NCOA3: variants seen among roughly 807,000 people sequenced by gnomAD.
NCOA3 encodes CBP-interacting protein.
In NCOA3, 51 loss-of-function variants were observed where a neutral mutation model predicts 158.8. The ratio of observed to expected loss-of-function variants is 0.32; its 90% CI spans 0.26 to 0.41. NCOA3 has a LOEUF of 0.41. NCOA3 is among the 10% of genes least tolerant of loss of function. The pLI, the probability that NCOA3 is intolerant of heterozygous loss-of-function variation, is 1.00. For missense variants in NCOA3, 1,510 were observed against 1,746.6 expected (o/e 0.86, Z 2.41); for synonymous variants, 537 against 592.4 (o/e 0.91, Z 1.36).
At chr20:47,534,110 G>C (rs376424555) in intron 1 of NCOA3, among the ~76,000 whole-genome samples, 15 of 151,556 alleles carry the variant, frequency 9.9e-5, no homozygotes, top group South Asian at 4.2e-4. Context: ...GTTTCAGTGG[G>C]GGGGGCGGGG....
rs199583929 is a variant in NCOA3 at position 47,627,931 on chromosome 20, C to A, written c.731C>A (p.Ser244Tyr). 1.2e-6 allele frequency: 2 copies of A among 1,613,298 alleles called. No individual in the cohort carries two copies. Among genetic ancestry groups the A allele is most frequent in the East Asian group, 2.2e-5 (1 of 44,868 alleles). The change falls in exon 8 of 23, where the codon TCT becomes TAT. Residue 244 changes from serine (S) to tyrosine (Y), a missense_variant. Around this residue, in one of 4 missense-constraint regions of NCOA3, gnomAD observed 309 missense variants for 427.1 expected, o/e 0.72. Transcript: ENST00000371998. Reference protein sequence around the residue: ...AMMEEGEDLQSCMICVARRIT... With the variant: ...AMMEEGEDLQYCMICVARRIT... ...GAATTTTTTATTGTAGATTTGCAATCTTGTATGATCTGTGTGGCACGCCGC... is the reference window on the plus strand; with the variant it reads ...GAATTTTTTATTGTAGATTTGCAATATTGTATGATCTGTGTGGCACGCCGC...
Position 47,649,213 on chromosome 20 carries a change from C to G in NCOA3, c.3651+104C>G, listed in dbSNP as rs751343456. ...GTTTGTTAAACAAATGAAGGTAATT[C>G]TGAATTTCTTGTGTAAGAAAGCAGT... On this transcript the variant is annotated intron_variant, in intron 19 of 22. Transcript: ENST00000371998. 6.7e-5 allele frequency: 39 copies of G among 583,532 alleles called. No homozygotes were observed. The African/African-American group carries it at 7.2e-4, about 11-fold the overall frequency. 36.1% of individuals were successfully genotyped at this position (583,532 alleles called of 1,614,324 possible).
intron 2 of NCOA3, among the ~76,000 whole-genome samples, chr20:47,587,769 C>T (rs1226030940): frequency 1.3e-5 from 2 of 152,042 alleles, no homozygotes; most frequent in Non-Finnish European, 2.9e-5. Context: ...GGGCCGACTT[C>T]GCATGTGTTC....
chr20:47,579,122 C>CA (rs2085414487), intron 1 of NCOA3, among the ~76,000 whole-genome samples: 1 of 152,102 alleles, frequency 6.6e-6, no homozygotes, highest in Non-Finnish European at 1.5e-5. Context: ...CCTTTTAGGT[C>CA]TCTGGTGATG....
At chr20:47,595,957 T>G (rs1390768374) in intron 2 of NCOA3, among the ~76,000 whole-genome samples, 2 of 152,208 alleles carry the variant, frequency 1.3e-5, no homozygotes, top group Non-Finnish European at 2.9e-5. Flanking sequence ...GAGCAAGTAT[T>G]TGTTCACATA....
At chr20:47,591,839 G>A (rs1417462331) in intron 2 of NCOA3, among the ~76,000 whole-genome samples, 4 of 150,752 alleles carry the variant, frequency 2.7e-5, no homozygotes, top group Admixed American at 6.6e-5. Flanking sequence ...TTTTACGTTT[G>A]GTTTAAAATA....
At chr20:47,568,794 T>A (rs551702331) in intron 1 of NCOA3, among the ~76,000 whole-genome samples, 7 of 146,972 alleles carry the variant, frequency 4.8e-5, no homozygotes, top group African/African-American at 1.5e-4. Flanking sequence ...AGACTCTGTC[T>A]CAAAAAAAAA....
rs1487553630 is a variant in NCOA3 at position 47,653,987 on chromosome 20, G to C, written c.*570G>C. 6.6e-6 allele frequency: 1 copy of C among 152,538 alleles called. No individual in the cohort carries two copies. The highest frequency in any genetic ancestry group is 2.4e-5 in the African/African-American group (1 of 41,446). The allele number at this position is 152,538 out of a possible 1,614,324, so 9.4% of individuals were successfully genotyped here. The stretch of plus-strand genomic sequence containing the variant: ...TGCCCTAGGCTTTCTCCTAATGAAG[G>C]TTTTCATTTGCCATTCATGTCCTGT... On this transcript the variant is annotated 3_prime_UTR_variant, in exon 23 of 23. Transcript: ENST00000371998.
At chr20:47,546,216 G>A (rs1800483177) in intron 1 of NCOA3, among the ~76,000 whole-genome samples, 1 of 152,048 alleles carries the variant, frequency 6.6e-6, no homozygotes, top group Non-Finnish European at 1.5e-5. Context: ...TGTTGCTTAG[G>A]CTTAAAAACC....
intron 2 of NCOA3, among the ~76,000 whole-genome samples, chr20:47,594,815 C>CCG (rs1555809030): frequency 7.9e-6 from 1 of 126,096 alleles, no homozygotes; most frequent in Admixed American, 8.3e-5. Context: ...TTTTTGGAGA[C>CCG]AGTTTTGCTG....
chr20:47,623,879 C>G, intron 3 of NCOA3, 32 bp from the exon 4 acceptor site: 1 of 1,590,380 alleles, frequency 6.3e-7, no homozygotes. Flanking sequence ...TATTATGTCT[C>G]CTTTCCCCCC....
chr20:47,610,402 C>A (rs1229310541), intron 2 of NCOA3, among the ~76,000 whole-genome samples: 1 of 151,998 alleles, frequency 6.6e-6, no homozygotes, highest in Non-Finnish European at 1.5e-5. Context: ...GTGTTTTTTG[C>A]AGAGACAGAA....
intron 1 of NCOA3, among the ~76,000 whole-genome samples, chr20:47,549,283 A>C (rs1174641340): frequency 1.3e-5 from 2 of 151,900 alleles, no homozygotes; most frequent in Admixed American, 6.6e-5. Context: ...GCACATTGGG[A>C]GGCTGAGGTG....
rs1416106002 is a variant in NCOA3 at position 47,636,284 on chromosome 20, G to T, written c.1898G>T (p.Gly633Val). 6.2e-7 allele frequency: 1 copy of T among 1,614,096 alleles called. No individual in the cohort carries two copies. ...CTTACCTGTTCTTCTGATGACCGGG[G>T]TCATTCCTCCTTGACCAACTCCCCC... The part of the protein sequence containing the change: ...QLLTCSSDDR[G>V]HSSLTNSPLD... The change falls in exon 12 of 23, where the codon GGT becomes GTT. Residue 633 changes from glycine to valine, a missense_variant. By Grantham distance (109) the Gly-to-Val change is moderately radical (BLOSUM62 -3). This residue lies in a region of NCOA3 where 1,017 missense variants were observed against 1,098.3 expected (regional missense o/e 0.93). Transcript: ENST00000371998.
chr20:47,515,528 C>T (rs550936862), intron 1 of NCOA3, among the ~76,000 whole-genome samples: 110 of 148,908 alleles, frequency 7.4e-4, no homozygotes, highest in Non-Finnish European at 1.5e-3. Flanking sequence ...ACTCTGTTAC[C>T]CAGGCTGGGG....
Position 47,534,515 on chromosome 20 carries a change from G to A in NCOA3, c.-99+32496G>A, listed in dbSNP as rs570984700. On this transcript the variant is annotated intron_variant, in intron 1 of 22. Coordinates refer to ENST00000371998, the MANE Select transcript of NCOA3 (RefSeq NM_181659.3). ...GTAACTTTCTGAGTACGTTGTGGAC[G>A]TTCAGAAAATGTCTATTTATTGTAT... Among the ~76,000 whole-genome samples the A allele has an allele frequency of 3.3e-5, 5 of 152,244 alleles. No individual in the cohort carries two copies. The South Asian group carries it at 8.3e-4, about 25-fold the overall frequency.
At chr20:47,536,104 G>A (rs1418658920) in intron 1 of NCOA3, among the ~76,000 whole-genome samples, 1 of 152,156 alleles carries the variant, frequency 6.6e-6, no homozygotes, top group Non-Finnish European at 1.5e-5. Context: ...GGCATGGCAG[G>A]CCAAAAGGCA....
At position 47,649,107 on chromosome 20, in the gene NCOA3, C is replaced by G. The variant is rs1385730094; in HGVS notation, c.3649C>G (p.Gln1217Glu). 8 of 1,609,960 alleles carry G rather than the reference C, an allele frequency of 5.0e-6. No homozygotes were observed. Among genetic ancestry groups the G allele is most frequent in the African/African-American group, 1.3e-5 (1 of 74,806 alleles). Residue 1217 changes from glutamine to glutamate, a missense_variant and splice_region_variant, in exon 19 of 23, where the codon CAG becomes GAG. Transcript: ENST00000371998. The stretch of plus-strand genomic sequence containing the variant: ...TATGATGCAGCCCCAGGTGAGCTCC[C>G]AGGTGAGGATGATAAGCCTCTCCAC... ...RPMMQPQVSS[Q>E]QGFLNAQMVA...
intron 18 of NCOA3, among the ~76,000 whole-genome samples, chr20:47,647,919 G>T (rs6066427): frequency 0.32 from 33,396 of 102,832 alleles, 4,340 homozygotes; most frequent in Middle Eastern, 0.37. Flanking sequence ...GTTTTGTTTT[G>T]TTTTTTTTTT....
Sources: gnomAD v4.1 joint callset for allele counts (sites outside exome capture counted in the v4.1 genomes callset) on GRCh38, gnomAD v4.1.1 for gene constraint, gnomAD v4.1.1 regional missense constraint, MANE v1.5 for transcripts, NCBI Gene and HGNC (gene_info 2026-07-23, HGNC 2026-07-21) for gene names.